The following ERC2 variants were observed in gnomAD, a reference collection of about 807,000 sequenced individuals.
The protein encoded by ERC2 is ERC protein 2.
In ERC2, 42 loss-of-function variants were observed where a neutral mutation model predicts 114.8. The observed-to-expected ratio is 0.37, with a 90% CI of 0.29 to 0.47. The LOEUF is 0.47. ERC2 is among the 20% of genes least tolerant of loss of function. The pLI is 0.99. For synonymous variants in ERC2, 454 were observed against 425.5 expected, an observed-to-expected ratio of 1.07 and a Z score of -0.82; for missense variants, 939 against 1,150.7, an observed-to-expected ratio of 0.82 and a Z score of 2.66.
chr3:56,446,908 T>G (rs2107491506), intron 1 of ERC2, among the ~76,000 whole-genome samples: 1 of 152,094 alleles, frequency 6.6e-6, no homozygotes, highest in Middle Eastern at 3.4e-3. Context: ...ATTACAGGCG[T>G]GAGCCACCAC....
intron 7 of ERC2, among the ~76,000 whole-genome samples, chr3:56,037,128 C>T (rs868377640): frequency 2.0e-5 from 3 of 152,048 alleles, no homozygotes; most frequent in Non-Finnish European, 4.4e-5. Context: ...ACTCAAAAAC[C>T]CAGAGTGCCT....
At chr3:55,917,283 T>C (rs2065154259) in intron 13 of ERC2, among the ~76,000 whole-genome samples, 1 of 152,192 alleles carries the variant, frequency 6.6e-6, no homozygotes, top group Non-Finnish European at 1.5e-5. Context: ...AAAAACTTGT[T>C]AATGAATGTT....
At chr3:55,983,871 T>A (rs1159168403) in intron 12 of ERC2, among the ~76,000 whole-genome samples, 1 of 152,172 alleles carries the variant, frequency 6.6e-6, no homozygotes, top group Non-Finnish European at 1.5e-5. Context: ...CTGCATTCAG[T>A]TCAATTATTA....
chr3:55,565,897 C>G (rs914947248), intron 17 of ERC2, among the ~76,000 whole-genome samples: 2 of 152,318 alleles, frequency 1.3e-5, no homozygotes, highest in South Asian at 2.1e-4. Context: ...CAGGGCGAGT[C>G]AAAAGTCTTT....
chr3:55,891,259 A>G (rs1371581206), intron 13 of ERC2, among the ~76,000 whole-genome samples: 2 of 152,086 alleles, frequency 1.3e-5, no homozygotes, highest in Non-Finnish European at 2.9e-5. Flanking sequence ...TGACCGTGGA[A>G]GCAAGTTTCA....
intron 17 of ERC2, among the ~76,000 whole-genome samples, chr3:55,600,481 G>A (rs1201174841): frequency 2.0e-5 from 3 of 152,196 alleles, no homozygotes; most frequent in African/African-American, 7.2e-5. Flanking sequence ...GCAGAAGATG[G>A]GGGAAACATT....
intron 2 of ERC2, among the ~76,000 whole-genome samples, chr3:56,316,367 T>C (rs6780890): frequency 0.089 from 13,594 of 152,258 alleles, 1,049 homozygotes; most frequent in African/African-American, 0.2. Context: ...AACTCTTCAC[T>C]CATTCCTTTA....
intron 3 of ERC2, among the ~76,000 whole-genome samples, chr3:56,258,662 A>C (rs1560474580): frequency 2.6e-5 from 4 of 152,216 alleles, no homozygotes. Flanking sequence ...TCAAGAAAAC[A>C]AAACAAACAA....
At chr3:56,256,607 G>C (rs139750058) in intron 3 of ERC2, among the ~76,000 whole-genome samples, 2 of 151,902 alleles carry the variant, frequency 1.3e-5, no homozygotes, top group East Asian at 1.9e-4. Context: ...ACCATGATAC[G>C]GTTTAGCTTT....
chr3:56,174,748 G>A (rs2082875949), intron 3 of ERC2, among the ~76,000 whole-genome samples: 1 of 152,120 alleles, frequency 6.6e-6, no homozygotes, highest in Admixed American at 6.6e-5. Context: ...GGGAGGCCGA[G>A]GTGGGTGGAT....
At chr3:55,759,064 C>T (rs1399684349) in intron 14 of ERC2, among the ~76,000 whole-genome samples, 1 of 152,108 alleles carries the variant, frequency 6.6e-6, no homozygotes, top group Non-Finnish European at 1.5e-5. Context: ...ATTTTTACTC[C>T]TTGACAATTA....
chr3:55,928,615 G>T (rs1471275797), intron 13 of ERC2, among the ~76,000 whole-genome samples: 1 of 152,094 alleles, frequency 6.6e-6, no homozygotes, highest in African/African-American at 2.4e-5. Context: ...TTAACTTGAT[G>T]TAATCCCACT....
intron 2 of ERC2, among the ~76,000 whole-genome samples, chr3:56,385,446 C>T (rs2059902471): frequency 6.6e-6 from 1 of 152,158 alleles, no homozygotes; most frequent in Non-Finnish European, 1.5e-5. Context: ...AAAGTCCTTT[C>T]TCCACCACCC....
At chr3:55,927,437 G>T (rs2065812476) in intron 13 of ERC2, among the ~76,000 whole-genome samples, 3 of 151,934 alleles carry the variant, frequency 2.0e-5, no homozygotes, top group Admixed American at 6.6e-5. Context: ...GGGGGTGTTT[G>T]TACTTTTTAC....
intron 12 of ERC2, among the ~76,000 whole-genome samples, chr3:55,969,394 C>A (rs1440341550): frequency 7.7e-3 from 59 of 7,682 alleles, no homozygotes; most frequent in Admixed American, 0.018. Context: ...TATACACATA[C>A]ACACACACAC....
At chr3:56,441,147 T>C (rs1290927677) in intron 1 of ERC2, among the ~76,000 whole-genome samples, 1 of 152,178 alleles carries the variant, frequency 6.6e-6, no homozygotes, top group Admixed American at 6.5e-5. Flanking sequence ...GTCCAAGCTA[T>C]CTTGCTAAAA....
intron 14 of ERC2, among the ~76,000 whole-genome samples, chr3:55,835,177 G>A (rs1262550090): frequency 6.6e-6 from 1 of 152,050 alleles, no homozygotes; most frequent in African/African-American, 2.4e-5. Flanking sequence ...AGAGGTACAA[G>A]GAGGAACTGG....
chr3:55,853,858 T>A (rs2149247512), intron 14 of ERC2, among the ~76,000 whole-genome samples: 1 of 152,268 alleles, frequency 6.6e-6, no homozygotes, highest in Non-Finnish European at 1.5e-5. Flanking sequence ...TGCACAACAA[T>A]GTGAATGTAC....
At chr3:55,593,015 G>A (rs2057969422) in intron 17 of ERC2, among the ~76,000 whole-genome samples, 1 of 152,178 alleles carries the variant, frequency 6.6e-6, no homozygotes, top group Non-Finnish European at 1.5e-5. Context: ...CACCTATTGT[G>A]TGCCAGAACT....
Sources: gnomAD v4.1 joint callset for allele counts (sites outside exome capture counted in the v4.1 genomes callset) on GRCh38, gnomAD v4.1.1 for gene constraint, MANE v1.5 for transcripts, NCBI Gene and HGNC (gene_info 2026-07-23, HGNC 2026-07-21) for gene names.